The following MATR3 variants were observed in gnomAD, a reference collection of about 807,000 sequenced individuals.
MATR3 encodes matrin-3.
In MATR3, 4 loss-of-function variants were observed where a neutral mutation model predicts 85.5. The observed-to-expected ratio is 0.05, with a 90% CI of 0.02 to 0.11. The LOEUF is 0.11. Ranked by LOEUF, MATR3 falls within the 10% of genes least tolerant of loss-of-function variation. The pLI is 1.00. For missense variants in MATR3, 685 were observed against 1,016.1 expected (o/e 0.67, Z 4.43); for synonymous variants, 336 against 343.1 (o/e 0.98, Z 0.23).
intron 2 of MATR3, 55 bp from the exon 3 acceptor site, chr5:139,314,620 G>A (rs1214344945): frequency 1.4e-6 from 2 of 1,438,164 alleles, no homozygotes; most frequent in East Asian, 2.3e-5. Flanking sequence ...GAATGGTTCA[G>A]ATGAAAATAT....
chr5:139,304,649 A>G (rs960760359), intron 1 of MATR3, among the ~76,000 whole-genome samples: 7 of 152,206 alleles, frequency 4.6e-5, no homozygotes, highest in Non-Finnish European at 1.0e-4. Context: ...CATTTACACT[A>G]GTATATAGAG....
chr5:139,307,287 A>G lies in MATR3; in HGVS notation c.-129A>G, dbSNP rs1160150828. The G allele has an allele frequency of 7.0e-7, 1 of 1,424,884 alleles. No individual in the cohort carries two copies. The highest frequency in any genetic ancestry group is 9.1e-7 in the Non-Finnish European group (1 of 1,099,140). 88.3% of individuals were successfully genotyped at this position (1,424,884 alleles called of 1,614,324 possible). Reference sequence around the variant, plus strand: ...GAAGAAGATTCTGCAGTCCTTATTGATCCTTTTTCTTGGCGTTACCATTTT... The same window carrying G: ...GAAGAAGATTCTGCAGTCCTTATTGGTCCTTTTTCTTGGCGTTACCATTTT... On this transcript the variant is annotated 5_prime_UTR_variant, in exon 2 of 15. Coordinates refer to ENST00000394805, the MANE Select transcript of MATR3 (RefSeq NM_018834.6). The surrounding 1 kb of genome is among the most constrained non-coding windows in gnomAD (Gnocchi z 4.4).
chr5:139,279,105 C>T (rs561044139), exon 3 of MATR3: 6 of 455,412 alleles, frequency 1.3e-5, no homozygotes, highest in African/African-American at 1.2e-4. Flanking sequence ...GTCTGACAGC[C>T]CTGTGTGACA....
intron 2 of MATR3, chr5:139,278,446 T>C (rs1376151320): frequency 2.3e-6 from 1 of 442,204 alleles, no homozygotes; most frequent in Non-Finnish European, 4.6e-6. Context: ...GACTACCTCC[T>C]CTGTGCCAGG....
upstream of MATR3, among the ~76,000 whole-genome samples, chr5:139,292,579 A>G (rs969466181): frequency 5.9e-5 from 9 of 152,096 alleles, no homozygotes; most frequent in Non-Finnish European, 1.0e-4. Context: ...AGTGTATTGC[A>G]TTCAGTCAAA....
upstream of MATR3, among the ~76,000 whole-genome samples, chr5:139,289,738 AGTCCCTCAC>A (rs1753813267): frequency 6.6e-6 from 1 of 152,200 alleles, no homozygotes; most frequent in Non-Finnish European, 1.5e-5. Context: ...GTTGTGCTGA[AGTCCCTCAC>A]GTAGTAAAAC....
At chr5:139,309,393 A>G (rs1474177530) in intron 2 of MATR3, among the ~76,000 whole-genome samples, 1 of 152,214 alleles carries the variant, frequency 6.6e-6, no homozygotes, top group Non-Finnish European at 1.5e-5. Context: ...CTTTACAGTA[A>G]CATCTGGAAG....
At chr5:139,285,690 T>C (rs1753680238) in intron 3 of MATR3, among the ~76,000 whole-genome samples, 1 of 151,966 alleles carries the variant, frequency 6.6e-6, no homozygotes, top group Admixed American at 6.6e-5. Flanking sequence ...AAGAATTAAA[T>C]GAGATCAGGA....
At chr5:139,317,551 C>A (rs748849326) in intron 6 of MATR3, 45 bp from the exon 7 acceptor site, 1 of 1,605,232 alleles carries the variant, frequency 6.2e-7, no homozygotes, top group South Asian at 1.1e-5. Flanking sequence ...TTTCATATTG[C>A]TTTAAAGAGA....
At chr5:139,303,334 T>C (rs1454088945) in intron 1 of MATR3, among the ~76,000 whole-genome samples, 2 of 152,162 alleles carry the variant, frequency 1.3e-5, no homozygotes, top group Non-Finnish European at 2.9e-5. Context: ...TCTCTTGACC[T>C]CGTGATCAAC....
chr5:139,304,783 A>G (rs566021498), intron 1 of MATR3, among the ~76,000 whole-genome samples: 1 of 152,350 alleles, frequency 6.6e-6, no homozygotes, highest in African/African-American at 2.4e-5. Flanking sequence ...AGGAAAAAAC[A>G]ATACAGTAAA....
chr5:139,317,900 A>G (rs1249214641), intron 7 of MATR3, among the ~76,000 whole-genome samples, 179 bp downstream of exon 7: 1 of 152,232 alleles, frequency 6.6e-6, no homozygotes, highest in Non-Finnish European at 1.5e-5. Context: ...CTAATGGATT[A>G]TTAGTAACTA....
At chr5:139,305,235 A>G (rs1241150412) in intron 1 of MATR3, among the ~76,000 whole-genome samples, 1 of 152,118 alleles carries the variant, frequency 6.6e-6, no homozygotes, top group Non-Finnish European at 1.5e-5. Context: ...GTTATCCTTT[A>G]CCTTTGCTTC....
Position 139,329,970 on chromosome 5 carries a change from A to C in MATR3, c.*575A>C. ...GTTTAGGTAATAAGAAATATTAAGT[A>C]ATTGGCTTTAGATTTTGTAATTTTT... On this transcript the variant is annotated 3_prime_UTR_variant, in exon 15 of 15. Transcript: ENST00000394805. The C allele has an allele frequency of 2.2e-6, 1 of 453,818 alleles. No homozygotes were observed. The highest frequency in any genetic ancestry group is 1.6e-5 in the South Asian group (1 of 64,342). The allele number at this position is 453,818 out of a possible 1,614,324, so 28.1% of individuals were successfully genotyped here. A position where few individuals can be genotyped will look rare whatever the true frequency, so the allele number is the denominator to read the frequency against.
rs15250 is a variant in MATR3 at position 139,330,087 on chromosome 5, A to G, written c.*692A>G. 2.2e-6 allele frequency: 1 copy of G among 454,336 alleles called. No individual in the cohort carries two copies. The highest frequency in any genetic ancestry group is 4.4e-6 in the Non-Finnish European group (1 of 226,772). The allele number at this position is 454,336 out of a possible 1,614,324, so 28.1% of individuals were successfully genotyped here. A position where few individuals can be genotyped will look rare whatever the true frequency, so the allele number is the denominator to read the frequency against. On this transcript the variant is annotated 3_prime_UTR_variant, in exon 15 of 15. Transcript: ENST00000394805. ...TTCCCGTTATCTTTGACCAGTATTA[A>G]TTTTTGAGATCTTACTGCTTGTCAC...
intron 8 of MATR3, 56 bp downstream of exon 8, chr5:139,319,089 A>G: frequency 6.4e-7 from 1 of 1,551,452 alleles, no homozygotes; most frequent in African/African-American, 1.4e-5. Flanking sequence ...TTTAATAGTT[A>G]TTAACTGTGG....
chr5:139,324,670 C>G (rs11242458), intron 12 of MATR3, among the ~76,000 whole-genome samples: 77,644 of 152,004 alleles, frequency 0.51, 24,142 homozygotes, highest in Non-Finnish European at 0.7. Flanking sequence ...TACTGTCTTA[C>G]AAAGGATATT....
At chr5:139,325,368 C>G (rs1755798236) in intron 12 of MATR3, 72 bp from the exon 13 acceptor site, 2 of 1,589,084 alleles carry the variant, frequency 1.3e-6, no homozygotes, top group Non-Finnish European at 1.7e-6. Context: ...TTCGGAACTT[C>G]AGAAACTTCG....
At chr5:139,326,613 G>T (rs1278715092) in intron 14 of MATR3, among the ~76,000 whole-genome samples, 3 of 151,896 alleles carry the variant, frequency 2.0e-5, no homozygotes, top group African/African-American at 7.3e-5. Context: ...TAGAAATGGG[G>T]TTTCACCATG....
Sources: gnomAD v4.1 joint callset for allele counts (sites outside exome capture counted in the v4.1 genomes callset) on GRCh38, gnomAD v4.1.1 for gene constraint, Gnocchi (gnomAD v3.1) non-coding constraint, MANE v1.5 for transcripts, NCBI Gene and HGNC (gene_info 2026-07-23, HGNC 2026-07-21) for gene names.